Variants in PNPLA3 observed in about 807,000 individuals in gnomAD.
The protein encoded by PNPLA3 is 1-acylglycerol-3-phosphate O-acyltransferase PNPLA3.
In PNPLA3, 42 loss-of-function variants were observed where a neutral mutation model predicts 43.1. That is an observed-to-expected ratio of 0.97 (90% confidence interval 0.76 to 1.26). The LOEUF is 1.26. PNPLA3 is among the 50% of genes most tolerant of loss of function. The pLI is 0.00. For missense variants in PNPLA3, 647 were observed against 621.4 expected, an observed-to-expected ratio of 1.04 and a Z score of -0.44; for synonymous variants, 272 against 253.6, an observed-to-expected ratio of 1.07 and a Z score of -0.69.
At chr22:43,929,473 C>G (rs1469732878) in intron 3 of PNPLA3, among the ~76,000 whole-genome samples, 8 of 140,220 alleles carry the variant, frequency 5.7e-5, no homozygotes, top group Admixed American at 2.2e-4. Context: ...GAGACTCTAT[C>G]TCAAAAAGAA....
At chr22:43,944,831 G>A (rs956800384) in intron 8 of PNPLA3, 36 bp downstream of exon 8, 2 of 1,547,160 alleles carry the variant, frequency 1.3e-6, no homozygotes, top group African/African-American at 2.7e-5. Context: ...GGGCCGGACG[G>A]GCACCTCTCT....
At chr22:43,943,318 G>T (rs2050043060) in intron 7 of PNPLA3, among the ~76,000 whole-genome samples, 1 of 152,056 alleles carries the variant, frequency 6.6e-6, no homozygotes, top group African/African-American at 2.4e-5. Context: ...TATAGCAACA[G>T]AGGACTTGGA....
intron 1 of PNPLA3, 25 bp downstream of exon 1, chr22:43,924,123 C>A: frequency 2.0e-6 from 3 of 1,508,866 alleles, no homozygotes; most frequent in Non-Finnish European, 1.8e-6. Context: ...GCTGCCCGGG[C>A]TCCACGTGCG....
chr22:43,930,424 G>A lies in PNPLA3; in HGVS notation c.486+1535G>A, dbSNP rs117140133. On this transcript the variant is annotated intron_variant, in intron 3 of 8. Transcript: ENST00000216180. Reference sequence around the variant, plus strand: ...TGACCAAAGCATATTTTGGATTTCCGACATTGCCACAGCATGGTTGGGCAT... The same window carrying A: ...TGACCAAAGCATATTTTGGATTTCCAACATTGCCACAGCATGGTTGGGCAT... Among the ~76,000 whole-genome samples, 3 of 152,274 alleles carry A rather than the reference G, an allele frequency of 2.0e-5. No individual in the cohort carries two copies. In the East Asian group the frequency reaches 5.8e-4, roughly 29 times the overall value.
chr22:43,946,020 G>A (rs1002287308), intron 8 of PNPLA3, 134 bp from the exon 9 acceptor site: 37 of 805,304 alleles, frequency 4.6e-5, no homozygotes, highest in Non-Finnish European at 7.4e-5. Context: ...AAGAAGCTGT[G>A]TCTCTGGCTG....
In PNPLA3 at chr22:43,940,000, T is replaced by C. The variant is rs770898005; in HGVS notation, c.987T>C (p.Ser329=). The C allele has an allele frequency of 1.2e-6, 2 of 1,613,904 alleles. No individual in the cohort carries two copies. The highest frequency in any genetic ancestry group is 2.2e-5 in the South Asian group (2 of 91,060). The part of the protein sequence containing the change: ...TLSPRLATAL[S]EEMKDKGGYM... ...CCAAATTGTCTTTTTCAGCACTGAG[T>C]GAAGAAATGAAAGACAAAGGTGGAT... is the stretch of plus-strand genomic sequence containing the variant. Residue 329 remains serine, a synonymous_variant, in exon 7 of 9, where the codon AGT becomes AGC. Coordinates refer to ENST00000216180, the MANE Select transcript of PNPLA3 (RefSeq NM_025225.3).
At chr22:43,933,236 A>G (rs939998748) in intron 4 of PNPLA3, 149 bp downstream of exon 4, 3 of 749,974 alleles carry the variant, frequency 4.0e-6, no homozygotes, top group African/African-American at 3.5e-5. Context: ...CTTGTCCCAG[A>G]AGCTCAGGTG....
intron 7 of PNPLA3, among the ~76,000 whole-genome samples, chr22:43,941,080 G>C (rs1178851940): frequency 6.9e-6 from 1 of 144,676 alleles, no homozygotes; most frequent in African/African-American, 2.6e-5. Context: ...AGGAGGCGGA[G>C]GTTGGTTGCA....
intron 3 of PNPLA3, among the ~76,000 whole-genome samples, chr22:43,931,577 G>A (rs1047363037): frequency 2.7e-4 from 41 of 152,134 alleles, no homozygotes; most frequent in African/African-American, 8.2e-4. Flanking sequence ...GTGCAGTGGC[G>A]CGATCTCAGC....
In PNPLA3 at chr22:43,946,328, T is replaced by G; in HGVS notation, c.1392T>G (p.Ala464=). The G allele has an allele frequency of 6.2e-7, 1 of 1,614,202 alleles. No individual in the cohort carries two copies. The highest frequency in any genetic ancestry group is 8.5e-7 in the Non-Finnish European group (1 of 1,180,042). The part of the protein sequence containing the change: ...LNFFLGNKVP[A]GAEGLSTFPS... ...TCTTCTTGGGCAATAAAGTACCTGCTGGTGCTGAGGGGCTCTCCACCTTTC... is the reference window on the plus strand; with the variant it reads ...TCTTCTTGGGCAATAAAGTACCTGCGGGTGCTGAGGGGCTCTCCACCTTTC... Residue 464 remains alanine (A), a synonymous_variant, in exon 9 of 9, where the codon GCT becomes GCG. Transcript: ENST00000216180.
rs398037291 is a variant in PNPLA3 at position 43,942,701 on chromosome 22, CTTTTTTTT to C, written c.1113-1978_1113-1971del. ...TTCCTTCCCTTCCATTTTCTTTTTT[CTTTTTTTT>C]TTTTTTTTTTTGAGACAGGGTCTTA... On this transcript the variant is annotated intron_variant, in intron 7 of 8. Transcript: ENST00000216180. Among the ~76,000 whole-genome samples, 51 of 113,680 alleles carry C rather than the reference CTTTTTTTT, an allele frequency of 4.5e-4. 1 individual carries two copies. In the Middle Eastern group the frequency reaches 0.027, roughly 61 times the overall value. 74.6% of individuals were successfully genotyped at this position (113,680 alleles called of 152,430 possible).
At chr22:43,934,503 G>A in intron 4 of PNPLA3, 103 bp from the exon 5 acceptor site, 1 of 1,218,174 alleles carries the variant, frequency 8.2e-7, no homozygotes, top group Non-Finnish European at 1.2e-6. Flanking sequence ...CAGACTCAGA[G>A]CTTGCATGAT....
intron 8 of PNPLA3, 47 bp from the exon 9 acceptor site, chr22:43,946,107 G>A (rs752494490): frequency 3.2e-6 from 5 of 1,568,866 alleles, no homozygotes; most frequent in Admixed American, 1.7e-5. Context: ...ACTGCACACT[G>A]CAGCAGCGGG....
chr22:43,931,199 A>G (rs2049959505), intron 3 of PNPLA3, among the ~76,000 whole-genome samples: 2 of 152,170 alleles, frequency 1.3e-5, no homozygotes, highest in African/African-American at 4.8e-5. Flanking sequence ...GAGGCCCGAG[A>G]TGCTGTGTCA....
chr22:43,925,400 G>A (rs772749911), intron 1 of PNPLA3, among the ~76,000 whole-genome samples: 15 of 152,126 alleles, frequency 9.9e-5, no homozygotes, highest in South Asian at 8.3e-4. Context: ...AGGGGGTTGT[G>A]AGCCAGTAGG....
rs868367246 is a variant in PNPLA3 at position 43,936,755 on chromosome 22, G to T, written c.758-296G>T. Reference sequence around the variant, plus strand: ...GGCCTGGAAGGCAGGTGTAACCAGTGGTTCAGTTGTTATAAACCAACACTA... The same window carrying T: ...GGCCTGGAAGGCAGGTGTAACCAGTTGTTCAGTTGTTATAAACCAACACTA... On this transcript the variant is annotated intron_variant, in intron 5 of 8. Transcript: ENST00000216180. Among the ~76,000 whole-genome samples, 34 of 152,328 alleles carry T rather than the reference G, an allele frequency of 2.2e-4. 1 individual carries two copies. Among genetic ancestry groups the T allele is most frequent in the Middle Eastern group, 6.8e-3 (2 of 294 alleles).
At chr22:43,930,270 A>G (rs1215127583) in intron 3 of PNPLA3, among the ~76,000 whole-genome samples, 1 of 152,146 alleles carries the variant, frequency 6.6e-6, no homozygotes, top group Non-Finnish European at 1.5e-5. Flanking sequence ...GCTTGCACCC[A>G]GGTCACTCTC....
chr22:43,929,246 C>T (rs1429488157), intron 3 of PNPLA3, among the ~76,000 whole-genome samples: 1 of 152,074 alleles, frequency 6.6e-6, no homozygotes, highest in Non-Finnish European at 1.5e-5. Flanking sequence ...GAGCCTGAAG[C>T]AGGCAGATCA....
At chr22:43,928,990 T>G in intron 3 of PNPLA3, 101 bp downstream of exon 3, 3 of 1,199,594 alleles carry the variant, frequency 2.5e-6, no homozygotes, top group Non-Finnish European at 3.7e-6. Context: ...CCTCAGGGTC[T>G]GTCCCATGGT....
Sources: gnomAD v4.1 joint callset for allele counts (sites outside exome capture counted in the v4.1 genomes callset) on GRCh38, gnomAD v4.1.1 for gene constraint, MANE v1.5 for transcripts, NCBI Gene and HGNC (gene_info 2026-07-23, HGNC 2026-07-21) for gene names.